Variants in SUGCT observed in about 807,000 individuals in gnomAD.
SUGCT encodes the protein succinyl-CoA:glutarate CoA-transferase.
Under a neutral mutation model 55.0 loss-of-function variants are expected in SUGCT, and 41 were observed. The ratio of observed to expected loss-of-function variants is 0.74; its 90% confidence interval spans 0.58 to 0.97. The LOEUF is 0.97. Ranked by LOEUF, SUGCT falls within the 50% of genes least tolerant of loss-of-function variation. The probability of loss-of-function intolerance (pLI) is 0.00; values close to 1 mark genes in which losing one functional copy is unlikely to be tolerated. For synonymous variants in SUGCT, 187 were observed against 200.4 expected, an observed-to-expected ratio of 0.93 and a Z score of 0.56; for missense variants, 568 against 547.8, an observed-to-expected ratio of 1.04 and a Z score of -0.37.
At position 40,348,092 on chromosome 7, in the gene SUGCT, T is replaced by C. The variant is rs111278956; in HGVS notation, c.816+31237T>C. Reference sequence around the variant, plus strand: ...GCTGGTGGCTCAACAGCAACACAGGTTTATTGAATGAAGTCCTGCACGGGG... The same window carrying C: ...GCTGGTGGCTCAACAGCAACACAGGCTTATTGAATGAAGTCCTGCACGGGG... On this transcript the variant is annotated intron_variant, in intron 9 of 13. Transcript: ENST00000335693. Among the ~76,000 whole-genome samples, 195 of 152,182 alleles carry C rather than the reference T, an allele frequency of 1.3e-3. No homozygotes were observed. In the Middle Eastern group the frequency reaches 0.017, roughly 13 times the overall value.
At chr7:40,537,617 T>A (rs909234029) in intron 12 of SUGCT, among the ~76,000 whole-genome samples, 6 of 152,238 alleles carry the variant, frequency 3.9e-5, no homozygotes, top group African/African-American at 1.4e-4. Flanking sequence ...AGATAAAGCA[T>A]TATAAAACCT....
chr7:40,947,669 A>G, the SUGCT span, among the ~76,000 whole-genome samples: 1 of 152,106 alleles, frequency 6.6e-6, no homozygotes, highest in Admixed American at 6.6e-5. Context: ...TGTTTAGTGA[A>G]TTTCCTGAAC....
At chr7:40,530,299 A>AT (rs1196021513) in intron 12 of SUGCT, among the ~76,000 whole-genome samples, 3 of 152,242 alleles carry the variant, frequency 2.0e-5, no homozygotes, top group South Asian at 4.1e-4. Flanking sequence ...GTTTAGAATC[A>AT]TTTTTTCCAT....
intron 6 of SUGCT, among the ~76,000 whole-genome samples, chr7:40,235,332 T>A (rs67382823): frequency 0.42 from 63,448 of 151,622 alleles, 13,372 homozygotes; most frequent in East Asian, 0.48. Context: ...AAATTTTTGT[T>A]ATTTTTATTT....
chr7:40,257,763 A>G (rs1311062327), intron 7 of SUGCT, among the ~76,000 whole-genome samples: 8 of 151,870 alleles, frequency 5.3e-5, no homozygotes, highest in Admixed American at 5.3e-4. Flanking sequence ...TAATCCTGCT[A>G]CTCGGGAGGC....
In SUGCT at chr7:40,249,059, G is replaced by A. The variant is rs1452659895; in HGVS notation, c.576+11333G>A. ...CAATCCTAGCACTTTGGGTGACCAA[G>A]TCAGGAGGATTGCTTGAGCCCAGGA... On this transcript the variant is annotated intron_variant, in intron 7 of 13. Coordinates refer to ENST00000335693, the MANE Select transcript of SUGCT (RefSeq NM_001193313.2). Among the ~76,000 whole-genome samples, 5 of 151,954 alleles carry A rather than the reference G, an allele frequency of 3.3e-5. No homozygotes were observed. The South Asian group carries it at 8.3e-4, about 25-fold the overall frequency.
the SUGCT span, among the ~76,000 whole-genome samples, chr7:40,907,124 TGTGTGTGTGTGTGTGTGAGA>T: frequency 8.5e-3 from 657 of 76,918 alleles, 4 homozygotes; most frequent in African/African-American, 0.026. Flanking sequence ...TGTGTGTGTG[TGTGTGTGTGTGTGTGTGAGA>T]GAGAGAGAGA....
intron 12 of SUGCT, among the ~76,000 whole-genome samples, chr7:40,556,447 C>A (rs1353486088): frequency 1.3e-5 from 2 of 152,196 alleles, no homozygotes; most frequent in African/African-American, 4.8e-5. Flanking sequence ...TTTCCTTATT[C>A]CTTTGACTGA....
rs762793485 is a variant in SUGCT at position 40,135,140 on chromosome 7, C to G, written c.100+20C>G. On this transcript the variant is annotated intron_variant, in intron 1 of 13. Transcript: ENST00000335693. ...AGTCAGGTACCCTCCGAGATTCGGT[C>G]TGGGTGGCTAAAGGGATCCCTGCCC... The G allele has an allele frequency of 2.3e-5, 35 of 1,537,172 alleles. No individual in the cohort carries two copies. Among genetic ancestry groups the G allele is most frequent in the Non-Finnish European group, 3.1e-5 (35 of 1,140,496 alleles).
intron 7 of SUGCT, among the ~76,000 whole-genome samples, chr7:40,253,487 C>A (rs1385002355): frequency 6.6e-6 from 1 of 152,246 alleles, no homozygotes; most frequent in African/African-American, 2.4e-5. Flanking sequence ...ACTGGCTGTA[C>A]TGTACCCCCC....
At chr7:40,300,208 A>T (rs528287184) in intron 8 of SUGCT, among the ~76,000 whole-genome samples, 79 of 152,314 alleles carry the variant, frequency 5.2e-4, no homozygotes, top group African/African-American at 1.8e-3. Context: ...CCCTGAAGTC[A>T]TACAGACAAG....
At position 40,262,446 on chromosome 7, in the gene SUGCT, C is replaced by G. The variant is rs951562270; in HGVS notation, c.577-12067C>G. 3.4e-5 allele frequency among the ~76,000 whole-genome samples: 5 copies of G among 145,720 alleles called. No individual in the cohort carries two copies. The East Asian group carries it at 8.1e-4, about 23-fold the overall frequency. ...TGGGCGAATCGTGAGGTCAGGAGAT[C>G]GAGACCATCCTGGCTAACATGGTGA... On this transcript the variant is annotated intron_variant, in intron 7 of 13. Transcript: ENST00000335693.
the SUGCT span, among the ~76,000 whole-genome samples, chr7:40,918,989 G>A: frequency 3.0e-4 from 46 of 152,202 alleles, no homozygotes; most frequent in Non-Finnish European, 5.1e-4. Context: ...CACAAGTGGT[G>A]ATGAGAGAAA....
chr7:40,769,103 A>G (rs1788957242), intron 13 of SUGCT, among the ~76,000 whole-genome samples: 2 of 152,154 alleles, frequency 1.3e-5, no homozygotes, highest in Admixed American at 1.3e-4. Flanking sequence ...AGCAGTAAAA[A>G]AAAACAAGGG....
intron 12 of SUGCT, among the ~76,000 whole-genome samples, chr7:40,692,476 T>A (rs1784740758): frequency 6.6e-6 from 1 of 152,160 alleles, no homozygotes; most frequent in Admixed American, 6.5e-5. Context: ...TGGACTTCCG[T>A]GGTACAGCCA....
chr7:40,140,789 A>T (rs1186105854), intron 1 of SUGCT, among the ~76,000 whole-genome samples: 1 of 152,204 alleles, frequency 6.6e-6, no homozygotes, highest in African/African-American at 2.4e-5. Flanking sequence ...AAATGTGATA[A>T]CACCAGCTTT....
At chr7:40,711,920 G>A (rs765947619) in intron 12 of SUGCT, among the ~76,000 whole-genome samples, 5 of 152,164 alleles carry the variant, frequency 3.3e-5, no homozygotes, top group African/African-American at 1.2e-4. Context: ...ACTGGCCTGC[G>A]CTTAGGTAGC....
In SUGCT at chr7:40,334,935, C is replaced by T. The variant is rs867011669; in HGVS notation, c.816+18080C>T. Reference sequence around the variant, plus strand: ...ATCTGGAATTAATTTTTGTATAAGGCGTAAGGAAGGGATCCAGTTTCAGCT... The same window carrying T: ...ATCTGGAATTAATTTTTGTATAAGGTGTAAGGAAGGGATCCAGTTTCAGCT... On this transcript the variant is annotated intron_variant, in intron 9 of 13. Transcript: ENST00000335693. Among the ~76,000 whole-genome samples, 54 of 152,146 alleles carry T rather than the reference C, an allele frequency of 3.5e-4. No individual in the cohort carries two copies. In the Middle Eastern group the frequency reaches 0.01, roughly 29 times the overall value.
chr7:40,920,617 G>T, the SUGCT span, among the ~76,000 whole-genome samples: 68 of 152,226 alleles, frequency 4.5e-4, no homozygotes, highest in Admixed American at 4.6e-4. Context: ...CAGTTGGTTG[G>T]TTTTATTTCT....
Sources: allele counts gnomAD v4.1 joint callset (sites outside exome capture counted in the v4.1 genomes callset), GRCh38; gene constraint gnomAD v4.1.1; transcripts MANE v1.5; gene names NCBI Gene and HGNC (gene_info 2026-07-23, HGNC 2026-07-21).